CCDC191: variants seen among roughly 807,000 people sequenced by gnomAD.
CCDC191 encodes coiled-coil domain-containing protein 191.
Under a neutral mutation model 114.0 loss-of-function variants are expected in CCDC191, and 99 were observed. The ratio of observed to expected loss-of-function variants is 0.87; its 90% CI spans 0.74 to 1.03. The LOEUF (loss-of-function observed/expected upper bound fraction) is 1.03. Ranked by LOEUF, CCDC191 falls within the 50% of genes least tolerant of loss-of-function variation. The probability of loss-of-function intolerance (pLI) is 0.00; values close to 1 mark genes in which losing one functional copy is unlikely to be tolerated. For synonymous variants in CCDC191, 351 were observed against 376.0 expected, an observed-to-expected ratio of 0.93 and a Z score of 0.77; for missense variants, 973 against 1,087.0, an observed-to-expected ratio of 0.90 and a Z score of 1.47.
chr3:114,052,966 T>C (rs149121471), intron 2 of CCDC191, among the ~76,000 whole-genome samples: 1 of 152,300 alleles, frequency 6.6e-6, no homozygotes, highest in East Asian at 1.9e-4. Context: ...ACACCTGAAA[T>C]GATTTAATGG....
intron 9 of CCDC191, among the ~76,000 whole-genome samples, chr3:114,008,829 T>C (rs539214893): frequency 2.0e-5 from 3 of 152,152 alleles, no homozygotes; most frequent in Non-Finnish European, 4.4e-5. Context: ...TATATAGATA[T>C]ATATACAGTC....
intron 16 of CCDC191, among the ~76,000 whole-genome samples, chr3:113,971,071 G>T (rs1054335162): frequency 1.1e-4 from 16 of 152,164 alleles, no homozygotes; most frequent in African/African-American, 3.4e-4. Context: ...AATCCTTTGG[G>T]TATATACCCA....
chr3:114,036,972 A>G (rs2076494123), intron 4 of CCDC191, 186 bp from the exon 5 acceptor site: 2 of 316,692 alleles, frequency 6.3e-6, no homozygotes, highest in Non-Finnish European at 1.1e-5. Flanking sequence ...TAAGAATAAA[A>G]AAGCTCCACT....
At chr3:113,967,009 G>A (rs1332970789) in intron 16 of CCDC191, among the ~76,000 whole-genome samples, 1 of 152,100 alleles carries the variant, frequency 6.6e-6, no homozygotes, top group East Asian at 1.9e-4. Context: ...TGAGGCACGA[G>A]AATCACTTGA....
At chr3:113,987,601 G>A (rs1158879658) in intron 13 of CCDC191, among the ~76,000 whole-genome samples, 2 of 152,154 alleles carry the variant, frequency 1.3e-5, no homozygotes, top group Non-Finnish European at 2.9e-5. Flanking sequence ...GTCTTGCTAT[G>A]TTACCCACGC....
At chr3:114,029,679 T>G (rs1203308902) in intron 7 of CCDC191, among the ~76,000 whole-genome samples, 1 of 152,120 alleles carries the variant, frequency 6.6e-6, no homozygotes, top group Non-Finnish European at 1.5e-5. Context: ...CTTAACCAAG[T>G]GATCAAAGTT....
intron 2 of CCDC191, chr3:114,047,259 C>G: frequency 2.9e-6 from 1 of 340,640 alleles, no homozygotes; most frequent in Non-Finnish European, 4.2e-6. Context: ...TGTTTTAACT[C>G]AACAGCAAGA....
chr3:113,980,808 A>C lies in CCDC191; in HGVS notation c.2164-15T>G. The stretch of plus-strand genomic sequence containing the variant: ...TCAAGTTCTTTCTGGAAAAGATTAA[A>C]AAGCAAAATGCTATGATCAAAAAAC... On this transcript the variant is annotated splice_polypyrimidine_tract_variant and intron_variant, in intron 13 of 16. Coordinates refer to ENST00000295878, the MANE Select transcript of CCDC191 (RefSeq NM_020817.2). The C allele has an allele frequency of 6.3e-7, 1 of 1,591,988 alleles. No individual in the cohort carries two copies.
At chr3:113,976,999 G>A (rs1327239128) in intron 16 of CCDC191, among the ~76,000 whole-genome samples, 3 of 152,132 alleles carry the variant, frequency 2.0e-5, no homozygotes, top group Non-Finnish European at 4.4e-5. Context: ...GGACAAACAG[G>A]TTTTGGTGGA....
chr3:113,995,380 C>A (rs13061658), intron 13 of CCDC191, among the ~76,000 whole-genome samples: 32,171 of 151,916 alleles, frequency 0.21, 4,057 homozygotes, highest in Middle Eastern at 0.34. Flanking sequence ...TAATACTCTG[C>A]ATTTGTTAAA....
At chr3:114,013,522 G>C (rs1204088885) in intron 8 of CCDC191, among the ~76,000 whole-genome samples, 1 of 152,152 alleles carries the variant, frequency 6.6e-6, no homozygotes, top group Non-Finnish European at 1.5e-5. Context: ...ACTTACTTTG[G>C]TATGCTCACC....
intron 13 of CCDC191, among the ~76,000 whole-genome samples, chr3:113,990,284 A>G (rs1411980013): frequency 1.3e-5 from 2 of 152,076 alleles, no homozygotes; most frequent in South Asian, 2.1e-4. Context: ...ATAGACATTA[A>G]AAAGGTCATA....
intron 13 of CCDC191, among the ~76,000 whole-genome samples, chr3:113,988,057 A>ATT (rs1222693903): frequency 1.3e-5 from 2 of 150,740 alleles, no homozygotes; most frequent in African/African-American, 2.4e-5. Flanking sequence ...ATATATATAT[A>ATT]TATTTAAAGA....
chr3:113,966,826 C>T (rs12629973), intron 16 of CCDC191, among the ~76,000 whole-genome samples: 56 of 152,054 alleles, frequency 3.7e-4, no homozygotes, highest in African/African-American at 1.3e-3. Context: ...TGGCTGGGTG[C>T]GGTGGGTCAC....
intron 13 of CCDC191, among the ~76,000 whole-genome samples, chr3:113,991,901 CATTT>C (rs2075579197): frequency 6.6e-6 from 1 of 151,902 alleles, no homozygotes; most frequent in South Asian, 2.1e-4. Context: ...TTAAAAAAAA[CATTT>C]ATAATAGTGC....
At chr3:114,046,040 T>C (rs544525731) in intron 3 of CCDC191, among the ~76,000 whole-genome samples, 9 of 152,310 alleles carry the variant, frequency 5.9e-5, no homozygotes, top group East Asian at 3.9e-4. Flanking sequence ...CAAATGGAAG[T>C]TGGCTTGTAG....
chr3:113,972,087 T>A (rs2107574089), intron 16 of CCDC191, among the ~76,000 whole-genome samples: 1 of 152,204 alleles, frequency 6.6e-6, no homozygotes, highest in Admixed American at 6.5e-5. Flanking sequence ...TCTGCTTAGA[T>A]TTATATTATT....
intron 7 of CCDC191, among the ~76,000 whole-genome samples, chr3:114,021,439 A>G (rs1381830385): frequency 1.3e-5 from 2 of 151,932 alleles, no homozygotes; most frequent in African/African-American, 4.8e-5. Context: ...AAAAAAACCA[A>G]TCCCATTAAA....
At chr3:114,030,447 T>C (rs1361624512) in intron 7 of CCDC191, among the ~76,000 whole-genome samples, 2 of 152,178 alleles carry the variant, frequency 1.3e-5, no homozygotes, top group African/African-American at 2.4e-5. Context: ...TGTTATTATA[T>C]AGGAGGAATA....
Sources: allele counts gnomAD v4.1 joint callset (sites outside exome capture counted in the v4.1 genomes callset), GRCh38; gene constraint gnomAD v4.1.1; transcripts MANE v1.5; gene names NCBI Gene and HGNC (gene_info 2026-07-23, HGNC 2026-07-21).